FRMD3: variants seen among roughly 807,000 people sequenced by gnomAD.
FRMD3 encodes the protein FERM domain-containing protein 3.
In FRMD3, 33 loss-of-function variants were observed where a neutral mutation model predicts 70.2. That is an observed-to-expected ratio of 0.47 (90% CI 0.36 to 0.63). The LOEUF (loss-of-function observed/expected upper bound fraction) is 0.63. Ranked by LOEUF, FRMD3 falls within the 20% of genes least tolerant of loss-of-function variation. The probability of loss-of-function intolerance (pLI) is 0.00; values close to 1 mark genes in which losing one functional copy is unlikely to be tolerated. For missense variants in FRMD3, 632 were observed against 711.4 expected (o/e 0.89, Z 1.27); for synonymous variants, 279 against 255.9 (o/e 1.09, Z -0.86).
chr9:83,342,178 G>T (rs62563651), intron 5 of FRMD3, among the ~76,000 whole-genome samples: 32,808 of 151,920 alleles, frequency 0.22, 3,871 homozygotes, highest in Non-Finnish European at 0.26. Flanking sequence ...TGGCCCAGGG[G>T]AACAGAACAC....
intron 8 of FRMD3, among the ~76,000 whole-genome samples, chr9:83,311,046 C>A (rs1175797108): frequency 1.3e-5 from 2 of 152,162 alleles, no homozygotes; most frequent in Non-Finnish European, 1.5e-5. Context: ...AGTTCCCATT[C>A]TTTTCAGCAA....
intron 13 of FRMD3, among the ~76,000 whole-genome samples, chr9:83,278,892 G>C (rs2118889635): frequency 1.3e-5 from 2 of 152,258 alleles, no homozygotes; most frequent in South Asian, 4.1e-4. Context: ...CCCATCCAAA[G>C]GGCTGGGCTT....
At position 83,261,510 on chromosome 9, in the gene FRMD3, G is replaced by A. The variant is rs117033301; in HGVS notation, c.1196-12994C>T. ...ACCTCTGAGGTTCCATACTCTCTTG[G>A]TTTCCATCCAATGATTCTAAGCTAC... On this transcript the variant is annotated intron_variant, in intron 13 of 13. Transcript: ENST00000304195. Among the ~76,000 whole-genome samples, 4 of 152,160 alleles carry A rather than the reference G, an allele frequency of 2.6e-5. No individual in the cohort carries two copies. In the East Asian group the frequency reaches 7.7e-4, roughly 29 times the overall value.
chr9:83,398,563 G>A (rs946878545), intron 1 of FRMD3, among the ~76,000 whole-genome samples: 3 of 152,164 alleles, frequency 2.0e-5, no homozygotes, highest in Admixed American at 1.3e-4. Flanking sequence ...GCTAAATGAC[G>A]AGTTAATGGG....
the FRMD3 span, among the ~76,000 whole-genome samples, chr9:83,552,053 T>C: frequency 2.0e-5 from 3 of 152,168 alleles, no homozygotes; most frequent in Non-Finnish European, 4.4e-5. Flanking sequence ...ATTCTTTCAG[T>C]TGTGAGGTTA....
intron 10 of FRMD3, among the ~76,000 whole-genome samples, chr9:83,301,128 G>A (rs918715480): frequency 2.0e-5 from 3 of 152,154 alleles, no homozygotes; most frequent in East Asian, 1.9e-4. Context: ...ACAGAGGCAC[G>A]TGAGAGCCAT....
At chr9:83,536,514 G>T (rs1370395967) in intron 1 of FRMD3, among the ~76,000 whole-genome samples, 1 of 152,188 alleles carries the variant, frequency 6.6e-6, no homozygotes, top group Non-Finnish European at 1.5e-5. Context: ...AAAGTGCACA[G>T]TCCACACTCT....
intron 1 of FRMD3, among the ~76,000 whole-genome samples, chr9:83,475,675 T>C (rs1341702198): frequency 2.6e-5 from 4 of 152,154 alleles, no homozygotes; most frequent in African/African-American, 9.7e-5. Context: ...CAAAACATAT[T>C]TATAATAATA....
Position 83,245,926 on chromosome 9 carries a change from G to A in FRMD3, c.*1992C>T, listed in dbSNP as rs181096685. 1.0e-6 allele frequency: 1 copy of A among 980,962 alleles called. No individual in the cohort carries two copies. The highest frequency in any genetic ancestry group is 1.2e-6 in the Non-Finnish European group (1 of 826,164). 60.8% of individuals were successfully genotyped at this position (980,962 alleles called of 1,614,324 possible). A position where few individuals can be genotyped will look rare whatever the true frequency, so the allele number is the denominator to read the frequency against. Reference sequence around the variant, plus strand: ...TCACAGAAAATATATTCCTAAATCAGTATCAACTTTCAGGTAATAAACAAA... The same window carrying A: ...TCACAGAAAATATATTCCTAAATCAATATCAACTTTCAGGTAATAAACAAA... On this transcript the variant is annotated 3_prime_UTR_variant, in exon 14 of 14. Transcript: ENST00000304195.
At chr9:83,449,015 C>T (rs1161920704) in intron 1 of FRMD3, among the ~76,000 whole-genome samples, 1 of 152,106 alleles carries the variant, frequency 6.6e-6, no homozygotes, top group Non-Finnish European at 1.5e-5. Flanking sequence ...TGAGAGTGGA[C>T]AGCTTGCTGA....
chr9:83,525,981 CCTTA>C (rs1829675635), intron 1 of FRMD3, among the ~76,000 whole-genome samples: 1 of 152,182 alleles, frequency 6.6e-6, no homozygotes, highest in South Asian at 2.1e-4. Flanking sequence ...TTAACAACTC[CCTTA>C]CTTCTGTCTC....
chr9:83,512,925 T>A (rs753938296), intron 1 of FRMD3, among the ~76,000 whole-genome samples: 4 of 152,144 alleles, frequency 2.6e-5, no homozygotes, highest in Non-Finnish European at 5.9e-5. Context: ...ACACAGATGA[T>A]TCTTCATGGA....
intron 10 of FRMD3, among the ~76,000 whole-genome samples, chr9:83,300,768 ATAT>A: frequency 6.6e-6 from 1 of 152,224 alleles, no homozygotes; most frequent in Non-Finnish European, 1.5e-5. Context: ...ACACACACAC[ATAT>A]TTTTTTTCCT....
chr9:83,277,619 C>T (rs1353662936), intron 13 of FRMD3, among the ~76,000 whole-genome samples: 1 of 152,132 alleles, frequency 6.6e-6, no homozygotes, highest in Non-Finnish European at 1.5e-5. Context: ...CCTTGGCCTC[C>T]CAAAGTGCTA....
intron 3 of FRMD3, 67 bp from the exon 4 acceptor site, chr9:83,349,824 A>C: frequency 8.1e-7 from 1 of 1,227,618 alleles, no homozygotes. Flanking sequence ...CACACACGGG[A>C]AAGGCAGCCG....
chr9:83,477,742 T>C lies in FRMD3; in HGVS notation c.147+60343A>G, dbSNP rs915363811. Among the ~76,000 whole-genome samples the C allele has an allele frequency of 1.1e-4, 16 of 152,132 alleles. 1 individual carries two copies. The highest frequency in any genetic ancestry group is 2.4e-4 in the Non-Finnish European group (16 of 68,030). On this transcript the variant is annotated intron_variant, in intron 1 of 13. Coordinates refer to ENST00000304195, the MANE Select transcript of FRMD3 (RefSeq NM_174938.6). ...CTCCTCCATGACTCACTTAGCTGCTTGACTAATTGACTAATTGACTGAATC... is the reference window on the plus strand; with the variant it reads ...CTCCTCCATGACTCACTTAGCTGCTCGACTAATTGACTAATTGACTGAATC...
chr9:83,273,612 A>AAAAAAAAAC (rs1833689451), intron 13 of FRMD3, among the ~76,000 whole-genome samples: 1 of 145,830 alleles, frequency 6.9e-6, no homozygotes, highest in Non-Finnish European at 1.5e-5. Context: ...TAAATACTAA[A>AAAAAAAAAC]AAAAAAAAAA....
chr9:83,273,021 C>T (rs1666620281), intron 13 of FRMD3, among the ~76,000 whole-genome samples: 1 of 142,294 alleles, frequency 7.0e-6, no homozygotes, highest in Admixed American at 7.0e-5. Context: ...GGGGCAGCCC[C>T]CACCCAGCCA....
At chr9:83,425,655 C>T (rs369420141) in intron 1 of FRMD3, among the ~76,000 whole-genome samples, 30 of 152,212 alleles carry the variant, frequency 2.0e-4, no homozygotes, top group East Asian at 9.7e-4. Context: ...CCTGCAATCC[C>T]CACACTATGG....
Sources: gnomAD v4.1 joint callset for allele counts (sites outside exome capture counted in the v4.1 genomes callset) on GRCh38, gnomAD v4.1.1 for gene constraint, MANE v1.5 for transcripts, NCBI Gene and HGNC (gene_info 2026-07-23, HGNC 2026-07-21) for gene names.